IRF8: variants seen among roughly 807,000 people sequenced by gnomAD.
IRF8 encodes interferon consensus sequence binding protein 1.
A neutral mutation model predicts 48.7 loss-of-function variants in IRF8; 14 were observed. The observed-to-expected ratio is 0.29, with a 90% CI of 0.19 to 0.45. IRF8 has a LOEUF of 0.45. IRF8 is among the 20% of genes least tolerant of loss of function. The pLI is 1.00. For synonymous variants in IRF8, 278 were observed against 227.3 expected (o/e 1.22, Z -2.01); for missense variants, 493 against 580.7 (o/e 0.85, Z 1.55).
At chr16:85,919,990 T>G in intron 7 of IRF8, 119 bp from the exon 8 acceptor site, 1 of 774,822 alleles carries the variant, frequency 1.3e-6, no homozygotes, top group Non-Finnish European at 2.3e-6. Context: ...TGAGATCCCA[T>G]GGTGCCCTGG....
rs1341008029 is a variant in IRF8, at chr16:85,913,606, C to T, written c.553+370C>T. ...CTGGCGCCCCCTCCCTGGGTACTCC[C>T]TTAGGTCGGCCAGTCTGTTACGACA... is the stretch of plus-strand genomic sequence containing the variant. On this transcript the variant is annotated intron_variant, in intron 5 of 8. Coordinates refer to ENST00000268638, the MANE Select transcript of IRF8 (RefSeq NM_002163.4). Among the ~76,000 whole-genome samples the T allele has an allele frequency of 2.0e-5, 3 of 152,350 alleles. No individual in the cohort carries two copies. In the East Asian group the frequency reaches 5.8e-4, roughly 29 times the overall value.
At chr16:85,901,559 C>T (rs897238594) in intron 1 of IRF8, among the ~76,000 whole-genome samples, 5 of 152,046 alleles carry the variant, frequency 3.3e-5, no homozygotes, top group Non-Finnish European at 7.4e-5. Flanking sequence ...TCCAGGCTGC[C>T]GCGAGCTATG....
chr16:85,914,329 A>G (rs752938901), intron 5 of IRF8, 144 bp from the exon 6 acceptor site: 6 of 865,846 alleles, frequency 6.9e-6, no homozygotes, highest in Non-Finnish European at 1.2e-5. Context: ...AAAGCACTGA[A>G]TTCAGCGGAA....
At chr16:85,911,065 G>GGT (rs371163425) in intron 3 of IRF8, among the ~76,000 whole-genome samples, 4 of 151,454 alleles carry the variant, frequency 2.6e-5, no homozygotes, top group Admixed American at 6.6e-5. Flanking sequence ...AGGGTGCTGC[G>GGT]GTGTGTGTGT....
intron 2 of IRF8, among the ~76,000 whole-genome samples, chr16:85,905,078 C>T (rs116869384): frequency 6.6e-6 from 1 of 152,308 alleles, no homozygotes; most frequent in Non-Finnish European, 1.5e-5. Flanking sequence ...CCCTCCCCTA[C>T]TGTCACAATC....
At chr16:85,899,825 A>C (rs1004333281) in intron 1 of IRF8, among the ~76,000 whole-genome samples, 1 of 152,214 alleles carries the variant, frequency 6.6e-6, no homozygotes, top group African/African-American at 2.4e-5. Context: ...AAATTTATTG[A>C]AAGAACATTG....
intron 2 of IRF8, among the ~76,000 whole-genome samples, chr16:85,904,812 C>CTTTTTTTTTTTTTTTTTTTTGTTTTTTT (rs1904944460): frequency 1.1e-5 from 1 of 87,598 alleles, no homozygotes; most frequent in Non-Finnish European, 2.1e-5. Flanking sequence ...GATTGCAGAT[C>CTTTTTTTTTTTTTTTTTTTTGTTTTTTT]TTTTTTTTTT....
intron 1 of IRF8, chr16:85,901,273 A>G (rs1300487230): frequency 6.6e-6 from 1 of 152,196 alleles, no homozygotes; most frequent in Non-Finnish European, 1.5e-5. Context: ...GAGAGGTTCA[A>G]GTGACGTCAC....
At chr16:85,920,756 C>G (rs1170425015) in intron 8 of IRF8, among the ~76,000 whole-genome samples, 6 of 152,104 alleles carry the variant, frequency 3.9e-5, no homozygotes, top group Admixed American at 2.0e-4. Flanking sequence ...TTTCTTTTTT[C>G]TTTTTTGGTT....
At chr16:85,914,789 C>T (rs540392031) in intron 6 of IRF8, among the ~76,000 whole-genome samples, 11 of 130,064 alleles carry the variant, frequency 8.5e-5, no homozygotes, top group African/African-American at 3.2e-4. Context: ...AGCAGGACCT[C>T]GTGTGGAAGT....
At chr16:85,909,228 T>C (rs1905080278) in intron 3 of IRF8, 55 bp downstream of exon 3, 1 of 1,490,132 alleles carries the variant, frequency 6.7e-7, no homozygotes, top group African/African-American at 1.4e-5. Flanking sequence ...GCCTGTAGCC[T>C]TCACCACAGA....
chr16:85,899,596 A>C (rs566818983), intron 1 of IRF8, among the ~76,000 whole-genome samples: 1 of 152,204 alleles, frequency 6.6e-6, no homozygotes, highest in Non-Finnish European at 1.5e-5. Flanking sequence ...CACGTGGAAT[A>C]ATGCTTGGAG....
At chr16:85,907,533 CT>C (rs764179692) in intron 2 of IRF8, among the ~76,000 whole-genome samples, 12 of 152,126 alleles carry the variant, frequency 7.9e-5, no homozygotes, top group Non-Finnish European at 1.8e-4. Flanking sequence ...CAAAAATTAG[CT>C]GGGTATGGTG....
At chr16:85,901,676 G>A (rs1054481237) in intron 1 of IRF8, among the ~76,000 whole-genome samples, 2 of 152,156 alleles carry the variant, frequency 1.3e-5, no homozygotes, top group Admixed American at 1.3e-4. Context: ...AACTGAGGTT[G>A]TTGGATGGGG....
At chr16:85,913,418 C>T in intron 5 of IRF8, 182 bp downstream of exon 5, 1 of 629,338 alleles carries the variant, frequency 1.6e-6, no homozygotes, top group East Asian at 2.8e-5. Context: ...CAGAGCCCAG[C>T]TGTGCCTTTG....
intron 6 of IRF8, among the ~76,000 whole-genome samples, chr16:85,915,542 T>C (rs778673091): frequency 3.3e-5 from 5 of 152,240 alleles, no homozygotes; most frequent in Admixed American, 2.0e-4. Flanking sequence ...TTGTTTTCAC[T>C]CCGGCTTCAC....
chr16:85,907,564 G>T (rs1905040478), intron 2 of IRF8, among the ~76,000 whole-genome samples: 1 of 152,212 alleles, frequency 6.6e-6, no homozygotes, highest in Non-Finnish European at 1.5e-5. Context: ...TGTAGTCCCA[G>T]CTACTTGGGA....
rs76339334 is a variant in IRF8, at chr16:85,903,495, C to T, written c.174+306C>T. On this transcript the variant is annotated intron_variant, in intron 2 of 8. Coordinates refer to ENST00000268638, the MANE Select transcript of IRF8 (RefSeq NM_002163.4). ...CAAGTGGGAGAAAATACTTCGAGACCTTCACGCTAAGACCTTTCCCCACGG... is the reference window on the plus strand; with the variant it reads ...CAAGTGGGAGAAAATACTTCGAGACTTTCACGCTAAGACCTTTCCCCACGG... 7.8e-3 allele frequency: 3,099 copies of T among 396,910 alleles called. 87 individuals are homozygous for T. The highest frequency in any genetic ancestry group is 0.058 in the African/African-American group (2,828 of 48,586). The allele number at this position is 396,910 out of a possible 1,614,324, so 24.6% of individuals were successfully genotyped here. A position where few individuals can be genotyped will look rare whatever the true frequency, so the allele number is the denominator to read the frequency against.
intron 1 of IRF8, chr16:85,901,111 G>GT (rs1321954792): frequency 6.6e-6 from 1 of 152,460 alleles, no homozygotes; most frequent in Non-Finnish European, 1.5e-5. Context: ...TTCGGGGAGT[G>GT]TGGGGGGGTC....
Sources: allele counts gnomAD v4.1 joint callset (sites outside exome capture counted in the v4.1 genomes callset), GRCh38; gene constraint gnomAD v4.1.1; transcripts MANE v1.5; gene names NCBI Gene and HGNC (gene_info 2026-07-23, HGNC 2026-07-21).